The following PDE6D variants were observed in gnomAD, a reference collection of about 807,000 sequenced individuals.
The protein encoded by PDE6D is retinal rod rhodopsin-sensitive cGMP 3',5'-cyclic phosphodiesterase subunit delta.
In PDE6D, 10 loss-of-function variants were observed where a neutral mutation model predicts 21.9. The ratio of observed to expected loss-of-function variants is 0.46; its 90% confidence interval spans 0.28 to 0.78. PDE6D has a LOEUF of 0.78. PDE6D is among the 30% of genes least tolerant of loss of function. The pLI is 0.12. For synonymous variants in PDE6D, 59 were observed against 63.5 expected (o/e 0.93, Z 0.34); for missense variants, 139 against 184.8 (o/e 0.75, Z 1.44).
chr2:231,764,376 A>G (rs893634838), intron 1 of PDE6D, among the ~76,000 whole-genome samples: 2 of 152,214 alleles, frequency 1.3e-5, no homozygotes, highest in African/African-American at 4.8e-5. Flanking sequence ...CCCTGTCTCC[A>G]AAAACAACAA....
chr2:231,734,517 C>T (rs966481923), intron 4 of PDE6D, among the ~76,000 whole-genome samples: 6 of 151,376 alleles, frequency 4.0e-5, no homozygotes, highest in African/African-American at 1.5e-4. Flanking sequence ...TAATAACCAG[C>T]AGATACATTT....
chr2:231,735,573 C>A (rs1042202507), intron 4 of PDE6D, among the ~76,000 whole-genome samples: 1 of 150,898 alleles, frequency 6.6e-6, no homozygotes, highest in Non-Finnish European at 1.5e-5. Context: ...GCTGGGATTA[C>A]AGGTGTGAGC....
chr2:231,745,610 G>T (rs981169754), intron 1 of PDE6D, among the ~76,000 whole-genome samples: 1 of 152,024 alleles, frequency 6.6e-6, no homozygotes, highest in African/African-American at 2.4e-5. Context: ...TTTGGAACCA[G>T]GCAAACATAA....
intron 1 of PDE6D, among the ~76,000 whole-genome samples, chr2:231,756,890 AAAAG>A (rs1216227176): frequency 3.3e-5 from 5 of 152,178 alleles, no homozygotes; most frequent in Non-Finnish European, 7.3e-5. Context: ...AAAAAAAAAA[AAAAG>A]ATAGTATTCA....
At chr2:231,780,980 G>A (rs2049115811) in intron 1 of PDE6D, 85 bp downstream of exon 1, 2 of 1,214,048 alleles carry the variant, frequency 1.6e-6, no homozygotes, top group Non-Finnish European at 2.4e-6. Flanking sequence ...GGCCCACCTG[G>A]CGCGGCCCCC....
At chr2:231,740,680 CAAAA>C (rs3074722) in intron 1 of PDE6D, among the ~76,000 whole-genome samples, 6 of 57,012 alleles carry the variant, frequency 1.1e-4, no homozygotes, top group Admixed American at 2.1e-4. Context: ...GACCCTGTCT[CAAAA>C]AAAAAAAAAA....
At chr2:231,761,092 T>C (rs1014076157) in intron 1 of PDE6D, among the ~76,000 whole-genome samples, 1 of 152,188 alleles carries the variant, frequency 6.6e-6, no homozygotes, top group African/African-American at 2.4e-5. Context: ...TGGTCTCTCT[T>C]CTGAGACCAT....
chr2:231,753,025 G>C (rs970401286), intron 1 of PDE6D, among the ~76,000 whole-genome samples: 1 of 148,846 alleles, frequency 6.7e-6, no homozygotes, highest in Non-Finnish European at 1.5e-5. Flanking sequence ...TAGAGACGGG[G>C]TTTCACCGTG....
chr2:231,734,692 A>ACG (rs2048681976), intron 4 of PDE6D, among the ~76,000 whole-genome samples: 2 of 148,324 alleles, frequency 1.3e-5, no homozygotes, highest in East Asian at 2.0e-4. Context: ...ATATAAAAAA[A>ACG]AAAAAATAGC....
chr2:231,737,219 G>C lies in PDE6D; in HGVS notation c.339C>G (p.Pro113=). The C allele has an allele frequency of 1.2e-6, 2 of 1,610,884 alleles. No homozygotes were observed. The highest frequency in any genetic ancestry group is 1.1e-5 in the South Asian group (1 of 90,994). The change falls in exon 4 of 5, where the codon CCC becomes CCG. Residue 113 remains proline, a synonymous_variant. Coordinates refer to ENST00000287600, the MANE Select transcript of PDE6D (RefSeq NM_002601.4). ...NTWQSLIEAA[P]ESQMMPASVL... ...CGCTTGCTGGCATCATCTGGGACTC[G>C]GGTGCTGCCTCTATCAAGGACTGCC...
Position 231,734,746 on chromosome 2 carries a change from C to G in PDE6D, c.372-1713G>C, listed in dbSNP as rs571837569. ...CCTGTAGTCTCAGCTACTCAGGAGG[C>G]TGAGGCAGGAGAATGGCGTGAACCT... On this transcript the variant is annotated intron_variant, in intron 4 of 4. Transcript: ENST00000287600. 5.2e-3 allele frequency among the ~76,000 whole-genome samples: 769 copies of G among 148,906 alleles called. 10 individuals are homozygous for G. Among genetic ancestry groups the G allele is most frequent in the Non-Finnish European group, 6.4e-3 (431 of 67,378 alleles).
chr2:231,760,088 C>T (rs1251412879), intron 1 of PDE6D, among the ~76,000 whole-genome samples: 1 of 152,130 alleles, frequency 6.6e-6, no homozygotes, highest in African/African-American at 2.4e-5. Flanking sequence ...TGTAAATTAG[C>T]TGGAGCAATT....
intron 1 of PDE6D, 95 bp downstream of exon 1, chr2:231,780,970 G>T: frequency 1.8e-6 from 2 of 1,117,188 alleles, no homozygotes; most frequent in East Asian, 2.5e-5. Flanking sequence ...TCTTCTGTGG[G>T]GCCCACCTGG....
intron 1 of PDE6D, chr2:231,778,594 T>C (rs959714088): frequency 2.0e-5 from 3 of 152,174 alleles, no homozygotes; most frequent in Non-Finnish European, 2.9e-5. Flanking sequence ...ATCAACTCAT[T>C]TACTCTTACA....
chr2:231,776,326 A>G (rs2049056604), intron 1 of PDE6D, among the ~76,000 whole-genome samples: 1 of 151,190 alleles, frequency 6.6e-6, no homozygotes, highest in East Asian at 1.9e-4. Flanking sequence ...CGTCTCAAAA[A>G]AAAAAAAAAA....
intron 1 of PDE6D, among the ~76,000 whole-genome samples, chr2:231,765,834 C>T (rs1382180433): frequency 6.6e-6 from 1 of 152,108 alleles, no homozygotes; most frequent in Non-Finnish European, 1.5e-5. Context: ...CACACTTTGC[C>T]TTTATGATCT....
At chr2:231,762,189 C>T (rs1344181193) in intron 1 of PDE6D, among the ~76,000 whole-genome samples, 3 of 152,130 alleles carry the variant, frequency 2.0e-5, no homozygotes, top group African/African-American at 7.2e-5. Flanking sequence ...GTAAGTTGCA[C>T]TTAAATATTG....
intron 1 of PDE6D, among the ~76,000 whole-genome samples, chr2:231,765,302 G>C (rs1276704656): frequency 6.6e-6 from 1 of 151,550 alleles, no homozygotes; most frequent in Admixed American, 6.6e-5. Flanking sequence ...AAAGTGGGAG[G>C]GGGGCAACTT....
intron 1 of PDE6D, among the ~76,000 whole-genome samples, chr2:231,748,425 A>G (rs548946002): frequency 2.6e-4 from 39 of 152,330 alleles, no homozygotes; most frequent in African/African-American, 8.7e-4. Context: ...GAAATTTCCA[A>G]GCAGCAAAGC....
Sources: gnomAD v4.1 joint callset for allele counts (sites outside exome capture counted in the v4.1 genomes callset) on GRCh38, gnomAD v4.1.1 for gene constraint, MANE v1.5 for transcripts, NCBI Gene and HGNC (gene_info 2026-07-23, HGNC 2026-07-21) for gene names.